POLR3C: variants seen among roughly 807,000 people sequenced by gnomAD.
POLR3C encodes RNA polymerase III subunit C.
POLR3C carries 44 observed loss-of-function variants against 65.9 expected under a neutral mutation model. That is an observed-to-expected ratio of 0.67 (90% CI 0.52 to 0.86). POLR3C has a LOEUF of 0.86. Ranked by LOEUF, POLR3C falls within the 40% of genes least tolerant of loss-of-function variation. The pLI is 0.00. For missense variants in POLR3C, 576 were observed against 653.2 expected (o/e 0.88, Z 1.29); for synonymous variants, 263 against 231.6 (o/e 1.14, Z -1.23).
rs192851343 is a variant in POLR3C at position 145,843,286 on chromosome 1, G to A, written c.*866G>A. On this transcript the variant is annotated 3_prime_UTR_variant, in exon 15 of 15. Coordinates refer to ENST00000334163, the MANE Select transcript of POLR3C (RefSeq NM_006468.8). ...AATTAGCGCCTTCCTCTTCTCCATGGTTCCTTAAAACTGGCAACGCTAAAT... is the reference window on the plus strand; with the variant it reads ...AATTAGCGCCTTCCTCTTCTCCATGATTCCTTAAAACTGGCAACGCTAAAT... 5.7e-4 allele frequency among the ~76,000 whole-genome samples: 87 copies of A among 152,216 alleles called. No homozygotes were observed. Among genetic ancestry groups the A allele is most frequent in the African/African-American group, 2.0e-3 (85 of 41,544 alleles).
At chr1:145,833,969 C>T (rs1303422231) in intron 7 of POLR3C, among the ~76,000 whole-genome samples, 7 of 152,192 alleles carry the variant, frequency 4.6e-5, no homozygotes, top group Admixed American at 1.3e-4. Context: ...TCATGCATCA[C>T]TTAACAGCAG....
intron 5 of POLR3C, among the ~76,000 whole-genome samples, chr1:145,832,984 T>C (rs111990437): frequency 4.6e-5 from 7 of 152,150 alleles, no homozygotes; most frequent in Admixed American, 2.6e-4. Context: ...ATCATGCCAC[T>C]GCACTCCAGC....
chr1:145,826,020 G>A (rs1050680586), intron 2 of POLR3C, 97 bp downstream of exon 2: 9 of 963,518 alleles, frequency 9.3e-6, no homozygotes, highest in Non-Finnish European at 1.4e-5. Flanking sequence ...AAGGAAAAAT[G>A]AAGAAAGCCT....
At position 145,824,277 on chromosome 1, in the gene POLR3C, C is replaced by T; in HGVS notation, c.-113C>T. The T allele has an allele frequency of 3.4e-6, 1 of 293,570 alleles. No homozygotes were observed. Among genetic ancestry groups the T allele is most frequent in the South Asian group, 2.8e-5 (1 of 36,214 alleles). 18.2% of individuals were successfully genotyped at this position (293,570 alleles called of 1,614,324 possible). A position where few individuals can be genotyped will look rare whatever the true frequency, so the allele number is the denominator to read the frequency against. ...TCCTAGAAAGGGCGGTGGGCTCCAC[C>T]TCGGCCTAGAAGGCCAGCGGGAGCC... is the stretch of plus-strand genomic sequence containing the variant. On this transcript the variant is annotated 5_prime_UTR_variant, in exon 1 of 15. Transcript: ENST00000334163.
intron 5 of POLR3C, among the ~76,000 whole-genome samples, chr1:145,830,832 A>G (rs974781083): frequency 2.0e-5 from 3 of 151,892 alleles, no homozygotes; most frequent in Non-Finnish European, 4.4e-5. Flanking sequence ...GTCTAGGCAC[A>G]GTGGCTCGTG....
chr1:145,826,747 A>T, intron 3 of POLR3C, 38 bp downstream of exon 3: 1 of 1,612,050 alleles, frequency 6.2e-7, no homozygotes, highest in African/African-American at 1.3e-5. Flanking sequence ...AAAAGCATAG[A>T]TCAGCTGGCT....
In POLR3C at chr1:145,828,044, A is replaced by G. The variant is rs587683869; in HGVS notation, c.590-705A>G. Among the ~76,000 whole-genome samples, 23 of 152,332 alleles carry G rather than the reference A, an allele frequency of 1.5e-4. No individual in the cohort carries two copies. The East Asian group carries it at 4.0e-3, about 27-fold the overall frequency. ...GCTAAGATTTGAAGTAGAAGCTAAC[A>G]GTGAGGTAACAGGAAAAGCATTTTT... On this transcript the variant is annotated intron_variant, in intron 4 of 14. Coordinates refer to ENST00000334163, the MANE Select transcript of POLR3C (RefSeq NM_006468.8).
chr1:145,828,279 T>A (rs367566480), intron 4 of POLR3C, among the ~76,000 whole-genome samples: 1 of 152,184 alleles, frequency 6.6e-6, no homozygotes, highest in Non-Finnish European at 1.5e-5. Context: ...TAAGACCTTA[T>A]AGAGCATCTG....
rs1399777482 is a variant in POLR3C, at chr1:145,840,100, T to C, written c.1324-16T>C. 5.0e-6 allele frequency: 8 copies of C among 1,601,778 alleles called. No homozygotes were observed. The African/African-American group carries it at 9.4e-5, about 19-fold the overall frequency. Reference sequence around the variant, plus strand: ...TAGAACTATGTGCATTCCTTGTCTGTCTTCTCTTTCCTCAGAGCATAGCCA... The same window carrying C: ...TAGAACTATGTGCATTCCTTGTCTGCCTTCTCTTTCCTCAGAGCATAGCCA... On this transcript the variant is annotated splice_polypyrimidine_tract_variant and intron_variant, in intron 12 of 14. Coordinates refer to ENST00000334163, the MANE Select transcript of POLR3C (RefSeq NM_006468.8).
intron 14 of POLR3C, among the ~76,000 whole-genome samples, chr1:145,841,653 GATTTTGTA>G (rs1652302739): frequency 1.3e-5 from 2 of 152,092 alleles, no homozygotes; most frequent in Admixed American, 6.5e-5. Context: ...TTGGTGTTGT[GATTTTGTA>G]TCCCACAACT....
At chr1:145,839,261 A>T (rs1652099764) in intron 11 of POLR3C, among the ~76,000 whole-genome samples, 1 of 152,074 alleles carries the variant, frequency 6.6e-6, no homozygotes, top group African/African-American at 2.4e-5. Context: ...ACAGAGCAAG[A>T]CTCTGTCTCA....
In POLR3C at chr1:145,842,431, G is replaced by T; in HGVS notation, c.*11G>T. 3.2e-6 allele frequency: 5 copies of T among 1,565,248 alleles called. No individual in the cohort carries two copies. Among genetic ancestry groups the T allele is most frequent in the Non-Finnish European group, 4.4e-6 (5 of 1,136,360 alleles). ...ATGAAGAGACAGTGATCCAGAAGAAGCATCTTCCTCAGAAGATCTGGGGGG... is the reference window on the plus strand; with the variant it reads ...ATGAAGAGACAGTGATCCAGAAGAATCATCTTCCTCAGAAGATCTGGGGGG... On this transcript the variant is annotated 3_prime_UTR_variant, in exon 15 of 15. Transcript: ENST00000334163.
intron 8 of POLR3C, 103 bp from the exon 9 acceptor site, chr1:145,836,712 G>T: frequency 1.1e-6 from 1 of 943,736 alleles, no homozygotes; most frequent in Non-Finnish European, 1.7e-6. Context: ...CACATCATTT[G>T]ATAGGAGGGC....
At position 145,825,914 on chromosome 1, in the gene POLR3C, A is replaced by G. The variant is rs781896228; in HGVS notation, c.138A>G (p.Ser46=). Residue 46 remains serine, a synonymous_variant, in exon 2 of 15, where the codon TCA becomes TCG. Transcript: ENST00000334163. ...LRVIAHDTGT[S]LDQVKKALCV... ...TAATTGCCCATGACACAGGAACATC[A>G]CTGGATCAGGTATGTCTAAATGACA... The G allele has an allele frequency of 5.0e-6, 8 of 1,611,292 alleles. No individual in the cohort carries two copies. Among genetic ancestry groups the G allele is most frequent in the African/African-American group, 1.3e-5 (1 of 74,988 alleles).
intron 14 of POLR3C, among the ~76,000 whole-genome samples, 169 bp from the exon 15 acceptor site, chr1:145,842,170 A>G (rs1652342493): frequency 6.6e-6 from 1 of 152,184 alleles, no homozygotes. Flanking sequence ...TGTCTGGCAC[A>G]TAAAGATGCT....
intron 4 of POLR3C, among the ~76,000 whole-genome samples, chr1:145,827,235 G>A (rs1650839453): frequency 2.0e-5 from 3 of 151,998 alleles, no homozygotes; most frequent in Non-Finnish European, 2.9e-5. Context: ...GTACTATGAA[G>A]GAAATATTCC....
In POLR3C at chr1:145,843,061, A is replaced by G. The variant is rs1652415950; in HGVS notation, c.*641A>G. Among the ~76,000 whole-genome samples, 2 of 152,024 alleles carry G rather than the reference A, an allele frequency of 1.3e-5. No individual in the cohort carries two copies. Among genetic ancestry groups the G allele is most frequent in the Non-Finnish European group, 2.9e-5 (2 of 68,012 alleles). On this transcript the variant is annotated 3_prime_UTR_variant, in exon 15 of 15. Coordinates refer to ENST00000334163, the MANE Select transcript of POLR3C (RefSeq NM_006468.8). ...GCTGATGAACTGTAATTTTTAACAC[A>G]CACAGTGTAGGGAATGTGAAAGACT...
At position 145,843,688 on chromosome 1, in the gene POLR3C, A is replaced by G. The variant is rs1418693482; in HGVS notation, c.*1268A>G. 7.9e-5 allele frequency among the ~76,000 whole-genome samples: 12 copies of G among 152,230 alleles called. No homozygotes were observed. The highest frequency in any genetic ancestry group is 2.9e-4 in the African/African-American group (12 of 41,464). On this transcript the variant is annotated 3_prime_UTR_variant, in exon 15 of 15. Coordinates refer to ENST00000334163, the MANE Select transcript of POLR3C (RefSeq NM_006468.8). ...GTAGAAGAGTAAACACTATGTACAG[A>G]GAGGCCAGAAAGGGAAAAGGGTCAG... is the stretch of plus-strand genomic sequence containing the variant.
At chr1:145,832,635 T>G (rs1372591533) in intron 5 of POLR3C, among the ~76,000 whole-genome samples, 9 of 152,138 alleles carry the variant, frequency 5.9e-5, no homozygotes, top group Admixed American at 2.0e-4. Context: ...GTGTCTTCTA[T>G]TTTCTCTGTG....
Sources: gnomAD v4.1 joint callset for allele counts (sites outside exome capture counted in the v4.1 genomes callset) on GRCh38, gnomAD v4.1.1 for gene constraint, MANE v1.5 for transcripts, NCBI Gene and HGNC (gene_info 2026-07-23, HGNC 2026-07-21) for gene names.